Variants in SERINC5 observed in about 807,000 individuals in gnomAD.
SERINC5 encodes chromosome 5 open reading frame 12.
Under a neutral mutation model 63.1 loss-of-function variants are expected in SERINC5, and 41 were observed. The observed-to-expected ratio is 0.65, with a 90% CI of 0.51 to 0.84. SERINC5 has a LOEUF of 0.84. Among genes scored for constraint, SERINC5 ranks in the 40% least tolerant of loss-of-function variants. SERINC5 has a pLI of 0.00. For synonymous variants in SERINC5, 222 were observed against 215.2 expected (o/e 1.03, Z -0.28); for missense variants, 523 against 573.0 (o/e 0.91, Z 0.89).
chr5:80,170,003 A>C (rs1346991943), intron 5 of SERINC5, among the ~76,000 whole-genome samples: 1 of 152,148 alleles, frequency 6.6e-6, no homozygotes, highest in African/African-American at 2.4e-5. Context: ...TAAAGGGGAG[A>C]AGGCACGCAG....
chr5:80,143,181 G>A lies in SERINC5; in HGVS notation c.*482C>T. 3.0e-6 allele frequency: 3 copies of A among 986,784 alleles called. No individual in the cohort carries two copies. Among genetic ancestry groups the A allele is most frequent in the African/African-American group, 1.7e-5 (1 of 57,354 alleles). The allele number at this position is 986,784 out of a possible 1,614,324, so 61.1% of individuals were successfully genotyped here. On this transcript the variant is annotated 3_prime_UTR_variant, in exon 12 of 12. Transcript: ENST00000507668. ...CCTATAAATACCAGGGGCCCTGCAG[G>A]CTGAGTCCTGTCCTCAAAGCCCCCT... is the stretch of plus-strand genomic sequence containing the variant.
chr5:80,213,245 C>CAAAAAAAAAAAAAAAAAAAAA (rs57289084), intron 1 of SERINC5, among the ~76,000 whole-genome samples: 1 of 132,652 alleles, frequency 7.5e-6, no homozygotes, highest in African/African-American at 2.9e-5. Flanking sequence ...GACTGCATCT[C>CAAAAAAAAAAAAAAAAAAAAA]AAAGAAAGAA....
At chr5:80,132,515 G>A (rs1744987942) in intron 11 of SERINC5, among the ~76,000 whole-genome samples, 1 of 151,942 alleles carries the variant, frequency 6.6e-6, no homozygotes, top group Non-Finnish European at 1.5e-5. Flanking sequence ...GCACCTCCTG[G>A]ACTTGGTATA....
At chr5:80,220,232 AG>A (rs33936446) in intron 1 of SERINC5, among the ~76,000 whole-genome samples, 75,060 of 132,722 alleles carry the variant, frequency 0.57, 19,076 homozygotes, top group African/African-American at 0.64. Flanking sequence ...AAAAAAAAAA[AG>A]AGAGAGAGAG....
intron 1 of SERINC5, among the ~76,000 whole-genome samples, chr5:80,238,788 C>CAA (rs34850558): frequency 1.7e-4 from 17 of 98,952 alleles, no homozygotes; most frequent in African/African-American, 2.9e-4. Flanking sequence ...GACTTCATCT[C>CAA]AAAAAAAAAA....
At chr5:80,239,302 G>A (rs1751848422) in intron 1 of SERINC5, among the ~76,000 whole-genome samples, 1 of 152,106 alleles carries the variant, frequency 6.6e-6, no homozygotes, top group African/African-American at 2.4e-5. Flanking sequence ...TCCCACAATG[G>A]TTCTAATTTC....
chr5:80,166,260 C>T (rs1747293123), intron 7 of SERINC5, 123 bp downstream of exon 7: 14 of 680,542 alleles, frequency 2.1e-5, no homozygotes, highest in Non-Finnish European at 3.3e-5. Flanking sequence ...CCTTCCCAGC[C>T]TCTGGTAACC....
intron 1 of SERINC5, among the ~76,000 whole-genome samples, chr5:80,235,298 A>G (rs998539658): frequency 2.0e-5 from 3 of 152,178 alleles, no homozygotes; most frequent in African/African-American, 4.8e-5. Context: ...ATAATATTCC[A>G]TTGTTAATTT....
intron 6 of SERINC5, 116 bp from the exon 7 acceptor site, chr5:80,166,594 G>A (rs1580097108): frequency 8.0e-6 from 5 of 624,396 alleles, no homozygotes; most frequent in East Asian, 3.0e-5. Flanking sequence ...CACCTTTAAA[G>A]GAAAGAAAAG....
At position 80,143,663 on chromosome 5, in the gene SERINC5, T is replaced by C; in HGVS notation, c.1386A>G (p.Ter462TrpextTer1). Reference sequence around the variant, plus strand: ...AAAGCCCAGGGGACCGCCGATATCATCACACAGAGAACTCCCGGGTGGGGC... The same window carrying C: ...AAAGCCCAGGGGACCGCCGATATCACCACACAGAGAACTCCCGGGTGGGGC... ...LCCPTREFSV[*>W] Residue 462 changes from the stop codon to tryptophan, a stop_lost, in exon 12 of 12, where the codon TGA (stop) becomes TGG (tryptophan). Transcript: ENST00000507668. 1.3e-6 allele frequency: 2 copies of C among 1,535,588 alleles called. No individual in the cohort carries two copies. The highest frequency in any genetic ancestry group is 8.7e-7 in the Non-Finnish European group (1 of 1,146,714).
intron 2 of SERINC5, among the ~76,000 whole-genome samples, chr5:80,186,030 T>C (rs1476183783): frequency 1.4e-5 from 2 of 144,452 alleles, no homozygotes; most frequent in Non-Finnish European, 3.0e-5. Context: ...GATTTAAACA[T>C]GGTGGGAAAC....
intron 1 of SERINC5, among the ~76,000 whole-genome samples, chr5:80,239,813 A>C (rs1751870714): frequency 6.6e-6 from 1 of 152,200 alleles, no homozygotes; most frequent in African/African-American, 2.4e-5. Flanking sequence ...AGCTGCCTTC[A>C]AAGATAGGAA....
At chr5:80,223,305 A>G (rs1286715008) in intron 1 of SERINC5, among the ~76,000 whole-genome samples, 1 of 152,254 alleles carries the variant, frequency 6.6e-6, no homozygotes, top group Admixed American at 6.5e-5. Context: ...TGGAATTTGC[A>G]TATAATCTAT....
rs146388418 is a variant in SERINC5 at position 80,139,678 on chromosome 5, G to A, written c.*3985C>T. 4.4e-5 allele frequency: 43 copies of A among 985,134 alleles called. No individual in the cohort carries two copies. The highest frequency in any genetic ancestry group is 1.1e-4 in the East Asian group (1 of 8,828). The allele number at this position is 985,134 out of a possible 1,614,324, so 61.0% of individuals were successfully genotyped here. On this transcript the variant is annotated 3_prime_UTR_variant, in exon 12 of 12. Coordinates refer to ENST00000507668, the MANE Select transcript of SERINC5 (RefSeq NM_001174072.3). ...AGTCAAAGGCCCAACATTACAGAGCGCACCTCTGCCTGAAATACAAAACTA... is the reference window on the plus strand; with the variant it reads ...AGTCAAAGGCCCAACATTACAGAGCACACCTCTGCCTGAAATACAAAACTA...
chr5:80,220,747 A>AG (rs1750863222), intron 1 of SERINC5, among the ~76,000 whole-genome samples: 1 of 151,780 alleles, frequency 6.6e-6, no homozygotes, highest in Non-Finnish European at 1.5e-5. Flanking sequence ...CAGGAAACTG[A>AG]GGGGTGAAGT....
intron 2 of SERINC5, among the ~76,000 whole-genome samples, chr5:80,182,788 C>T (rs139855901): frequency 0.011 from 1,655 of 152,180 alleles, 20 homozygotes; most frequent in African/African-American, 0.032. Flanking sequence ...TCAAATGATC[C>T]GCCCACTTCA....
intron 11 of SERINC5, among the ~76,000 whole-genome samples, chr5:80,120,223 T>C (rs1479894430): frequency 6.6e-6 from 1 of 152,216 alleles, no homozygotes; most frequent in African/African-American, 2.4e-5. Flanking sequence ...CCAGCACCCT[T>C]TGCAGCCAGG....
intron 1 of SERINC5, 90 bp downstream of exon 1, chr5:80,255,799 CGGAGCTG>C: frequency 7.5e-7 from 1 of 1,336,416 alleles, no homozygotes. Flanking sequence ...CGTTCGGCCG[CGGAGCTG>C]GGAGCGCACC....
At chr5:80,198,743 A>C (rs1451701841) in intron 2 of SERINC5, 2 of 983,208 alleles carry the variant, frequency 2.0e-6, no homozygotes, top group Non-Finnish European at 2.4e-6. Context: ...TAGGCCACGA[A>C]ACAAGCTGAC....
Sources: allele counts gnomAD v4.1 joint callset (sites outside exome capture counted in the v4.1 genomes callset), GRCh38; gene constraint gnomAD v4.1.1; transcripts MANE v1.5; gene names NCBI Gene and HGNC (gene_info 2026-07-23, HGNC 2026-07-21).